CSNK1A1: variants seen among roughly 807,000 people sequenced by gnomAD.
CSNK1A1 encodes casein kinase I isoform alpha.
A neutral mutation model predicts 46.1 loss-of-function variants in CSNK1A1; 7 were observed. That is an observed-to-expected ratio of 0.15 (90% CI 0.09 to 0.29). CSNK1A1 has a LOEUF of 0.29. Among genes scored for constraint, CSNK1A1 ranks in the 10% least tolerant of loss-of-function variants. CSNK1A1 has a pLI of 1.00. For synonymous variants in CSNK1A1, 137 were observed against 141.5 expected (o/e 0.97, Z 0.23); for missense variants, 96 against 417.1 (o/e 0.23, Z 6.71).
chr5:149,542,243 C>T (rs923720574), intron 2 of CSNK1A1, among the ~76,000 whole-genome samples: 3 of 151,850 alleles, frequency 2.0e-5, no homozygotes, highest in Admixed American at 6.6e-5. Context: ...TAATGCCTGA[C>T]GATCTGTTAC....
In CSNK1A1 at chr5:149,495,220, A is replaced by G. The variant is rs1760617729; in HGVS notation, c.*1633T>C. The G allele has an allele frequency of 6.6e-6, 1 of 152,222 alleles. No homozygotes were observed. Among genetic ancestry groups the G allele is most frequent in the Non-Finnish European group, 1.5e-5 (1 of 68,034 alleles). The allele number at this position is 152,222 out of a possible 1,614,324, so 9.4% of individuals were successfully genotyped here. On this transcript the variant is annotated 3_prime_UTR_variant, in exon 10 of 10. Transcript: ENST00000377843. ...GCTAAAGTAGTTTTCAAATAAAAAA[A>G]AGAAAAAAGAAAACAAAACAAATTA... is the stretch of plus-strand genomic sequence containing the variant.
intron 9 of CSNK1A1, chr5:149,501,860 G>GCTCC (rs752856348): frequency 1.2e-5 from 12 of 972,992 alleles, no homozygotes; most frequent in Non-Finnish European, 1.5e-5. Context: ...TATAGTCAAA[G>GCTCC]GGAGTGAAAT....
At chr5:149,516,771 G>C (rs1195189466) in intron 4 of CSNK1A1, among the ~76,000 whole-genome samples, 2 of 151,946 alleles carry the variant, frequency 1.3e-5, no homozygotes, top group Non-Finnish European at 2.9e-5. Flanking sequence ...TTCTTTGCCT[G>C]AATAAAAATA....
chr5:149,542,578 A>C, intron 2 of CSNK1A1, among the ~76,000 whole-genome samples: 1 of 109,074 alleles, frequency 9.2e-6, no homozygotes, highest in Admixed American at 1.1e-4. Context: ...TTTACTCCGA[A>C]ATGAGATACA....
intron 2 of CSNK1A1, among the ~76,000 whole-genome samples, chr5:149,546,089 G>A (rs569489310): frequency 1.3e-5 from 2 of 150,944 alleles, no homozygotes; most frequent in South Asian, 2.1e-4. Flanking sequence ...TAGAGACAGG[G>A]TTTCACCTGT....
At chr5:149,497,202 A>G in intron 9 of CSNK1A1, 1 of 1,035,082 alleles carries the variant, frequency 9.7e-7, no homozygotes, top group Non-Finnish European at 1.2e-6. Context: ...CAAATCAATG[A>G]AAAACAGATT....
chr5:149,533,738 T>C (rs946361283), intron 2 of CSNK1A1, among the ~76,000 whole-genome samples: 2 of 151,280 alleles, frequency 1.3e-5, no homozygotes, highest in Non-Finnish European at 2.9e-5. Flanking sequence ...TGCTCCAACA[T>C]TGATAGTGGT....
In CSNK1A1 at chr5:149,549,446, T is replaced by A. The variant is rs915077769; in HGVS notation, c.230+629A>T. ...CACTGTCACTATGCCATCTCCTTCCTCGAACCTCCACACCGCCTCCTGCAG... is the reference window on the plus strand; with the variant it reads ...CACTGTCACTATGCCATCTCCTTCCACGAACCTCCACACCGCCTCCTGCAG... On this transcript the variant is annotated intron_variant, in intron 2 of 9. Transcript: ENST00000377843. 3 of 702,144 alleles carry A rather than the reference T, an allele frequency of 4.3e-6. No individual in the cohort carries two copies. In the African/African-American group the frequency reaches 5.2e-5, roughly 12 times the overall value. 43.5% of individuals were successfully genotyped at this position (702,144 alleles called of 1,614,324 possible).
chr5:149,526,266 T>A (rs535764553), intron 2 of CSNK1A1, among the ~76,000 whole-genome samples: 6 of 152,302 alleles, frequency 3.9e-5, no homozygotes, highest in African/African-American at 1.2e-4. Flanking sequence ...GCTTCCCAAG[T>A]AGCTGGGACC....
At position 149,494,325 on chromosome 5, in the gene CSNK1A1, A is replaced by T. The variant is rs182442280; in HGVS notation, c.*2528T>A. On this transcript the variant is annotated 3_prime_UTR_variant, in exon 10 of 10. Transcript: ENST00000377843. ...TAAGCACAACCATATGGGAGGAGAT[A>T]ACCAGTCTCTCCCTTCATATATATT... is the stretch of plus-strand genomic sequence containing the variant. The T allele has an allele frequency of 3.5e-4, 54 of 152,306 alleles. No individual in the cohort carries two copies. Among genetic ancestry groups the T allele is most frequent in the African/African-American group, 1.3e-3 (54 of 41,568 alleles). The allele number at this position is 152,306 out of a possible 1,614,324, so 9.4% of individuals were successfully genotyped here. A position where few individuals can be genotyped will look rare whatever the true frequency, so the allele number is the denominator to read the frequency against.
At chr5:149,508,267 A>T (rs1761099927) in intron 7 of CSNK1A1, among the ~76,000 whole-genome samples, 1 of 152,214 alleles carries the variant, frequency 6.6e-6, no homozygotes, top group South Asian at 2.1e-4. Context: ...CTTGAAACAT[A>T]TACATATGTT....
At position 149,511,780 on chromosome 5, in the gene CSNK1A1, T is replaced by A. The variant is rs375449296; in HGVS notation, c.675+14A>T. On this transcript the variant is annotated intron_variant, in intron 6 of 9. Transcript: ENST00000377843. Reference sequence around the variant, plus strand: ...AAAGAGAGAGAAAAATCTGATAATGTGAGTCTGGTTTACCTTTAGCCCTTG... The same window carrying A: ...AAAGAGAGAGAAAAATCTGATAATGAGAGTCTGGTTTACCTTTAGCCCTTG... The A allele has an allele frequency of 3.9e-5, 61 of 1,546,116 alleles. No individual in the cohort carries two copies. The highest frequency in any genetic ancestry group is 5.0e-5 in the Non-Finnish European group (57 of 1,130,470).
At chr5:149,508,706 G>A (rs971195915) in intron 7 of CSNK1A1, among the ~76,000 whole-genome samples, 2 of 152,150 alleles carry the variant, frequency 1.3e-5, no homozygotes, top group African/African-American at 4.8e-5. Context: ...GTTCCTTAAT[G>A]TACTAATTGT....
chr5:149,533,933 G>A (rs1331874508), intron 2 of CSNK1A1, among the ~76,000 whole-genome samples: 4 of 152,182 alleles, frequency 2.6e-5, no homozygotes, highest in East Asian at 1.9e-4. Context: ...TAGGGCTGAC[G>A]GGAAATGGAG....
At chr5:149,502,674 C>T (rs1042700856) in intron 9 of CSNK1A1, 2 of 984,396 alleles carry the variant, frequency 2.0e-6, no homozygotes, top group African/African-American at 3.5e-5. Flanking sequence ...TGCGCCTGTC[C>T]TAAAGTTTTT....
chr5:149,520,684 A>ATTCCTT (rs1282436268), intron 3 of CSNK1A1, among the ~76,000 whole-genome samples: 1 of 152,210 alleles, frequency 6.6e-6, no homozygotes, highest in African/African-American at 2.4e-5. Flanking sequence ...GAATACCTGT[A>ATTCCTT]TAATAGTTTC....
chr5:149,501,531 C>A (rs1441311814), intron 9 of CSNK1A1: 5 of 985,032 alleles, frequency 5.1e-6, no homozygotes, highest in Non-Finnish European at 6.0e-6. Context: ...CATGGTAGGT[C>A]AATATGATAG....
chr5:149,498,122 G>A (rs1391904404), intron 9 of CSNK1A1: 4 of 985,178 alleles, frequency 4.1e-6, no homozygotes, highest in East Asian at 1.1e-4. Context: ...GGGAGCCACC[G>A]TGCCCAGCTT....
At position 149,501,360 on chromosome 5, in the gene CSNK1A1, A is replaced by C. The variant is rs1018744607; in HGVS notation, c.1006+4087T>G. 8 of 985,284 alleles carry C rather than the reference A, an allele frequency of 8.1e-6. No homozygotes were observed. In the African/African-American group the frequency reaches 1.0e-4, roughly 13 times the overall value. 61.0% of individuals were successfully genotyped at this position (985,284 alleles called of 1,614,324 possible). On this transcript the variant is annotated intron_variant, in intron 9 of 9. Transcript: ENST00000377843. ...AGTGTATTCAGAGCAGTGTGTTCAG[A>C]CTGTCCAGGTATTTCAAAATCTTCC...
Sources: allele counts gnomAD v4.1 joint callset (sites outside exome capture counted in the v4.1 genomes callset), GRCh38; gene constraint gnomAD v4.1.1; transcripts MANE v1.5; gene names NCBI Gene and HGNC (gene_info 2026-07-23, HGNC 2026-07-21).